Variants in CHMP3 observed in about 807,000 individuals in gnomAD.
CHMP3 encodes the protein 25.1 protein.
In CHMP3, 8 loss-of-function variants were observed where a neutral mutation model predicts 27.4. That is an observed-to-expected ratio of 0.29 (90% CI 0.17 to 0.53). The LOEUF is 0.53. Among genes scored for constraint, CHMP3 ranks in the 20% least tolerant of loss-of-function variants. The pLI is 0.96. For synonymous variants in CHMP3, 86 were observed against 85.5 expected (o/e 1.01, Z -0.03); for missense variants, 208 against 271.5 (o/e 0.77, Z 1.64).
At chr2:86,538,417 G>T (rs1452193746) in intron 2 of CHMP3, among the ~76,000 whole-genome samples, 1 of 152,110 alleles carries the variant, frequency 6.6e-6, no homozygotes, top group Non-Finnish European at 1.5e-5. Context: ...GGTTAAGATG[G>T]TCAGCTTTAT....
intron 2 of CHMP3, among the ~76,000 whole-genome samples, chr2:86,540,384 G>A (rs973210793): frequency 6.6e-6 from 1 of 151,934 alleles, no homozygotes; most frequent in African/African-American, 2.4e-5. Flanking sequence ...CTACAGTTTG[G>A]ATAATTTGTA....
intron 3 of CHMP3, among the ~76,000 whole-genome samples, chr2:86,525,315 C>G (rs918179514): frequency 6.6e-6 from 1 of 152,038 alleles, no homozygotes; most frequent in Non-Finnish European, 1.5e-5. Flanking sequence ...ACATTAACAA[C>G]GTAAATTTCA....
chr2:86,539,393 C>T (rs1386061994), intron 2 of CHMP3, among the ~76,000 whole-genome samples: 1 of 152,084 alleles, frequency 6.6e-6, no homozygotes, highest in East Asian at 1.9e-4. Context: ...CAGGTGATAT[C>T]AGAGTTTAAA....
intron 3 of CHMP3, among the ~76,000 whole-genome samples, chr2:86,517,755 A>C (rs1333530512): frequency 6.6e-6 from 1 of 151,164 alleles, no homozygotes; most frequent in Non-Finnish European, 1.5e-5. Context: ...AGGGCCAGGC[A>C]TAGTGGCTCA....
intron 4 of CHMP3, 98 bp from the exon 5 acceptor site, chr2:86,507,691 C>A (rs935193238): frequency 4.0e-6 from 4 of 996,718 alleles, no homozygotes; most frequent in Admixed American, 3.7e-5. Context: ...TAAGTCCAGT[C>A]TATCCTTTCA....
intron 3 of CHMP3, chr2:86,510,795 A>C: frequency 3.8e-6 from 1 of 264,746 alleles, no homozygotes; most frequent in Non-Finnish European, 7.3e-6. Flanking sequence ...GAAAATCACA[A>C]ATGGGAGAAA....
chr2:86,548,482 T>G (rs990565551), intron 1 of CHMP3, among the ~76,000 whole-genome samples: 3 of 152,192 alleles, frequency 2.0e-5, no homozygotes, highest in African/African-American at 7.2e-5. Context: ...ACAGCACATG[T>G]TTCAGAGAGC....
chr2:86,510,279 C>CAAA, intron 4 of CHMP3, 79 bp downstream of exon 4: 5 of 1,239,830 alleles, frequency 4.0e-6, no homozygotes, highest in Admixed American at 1.8e-5. Flanking sequence ...TCCCCACCCA[C>CAAA]CCTCATCCCT....
At chr2:86,526,078 T>C (rs1675698615) in intron 3 of CHMP3, among the ~76,000 whole-genome samples, 1 of 152,216 alleles carries the variant, frequency 6.6e-6, no homozygotes. Context: ...CTGGTAAAGC[T>C]ACAGTATATA....
At chr2:86,551,676 AT>A (rs778223659) in intron 1 of CHMP3, among the ~76,000 whole-genome samples, 4 of 152,192 alleles carry the variant, frequency 2.6e-5, no homozygotes, top group Non-Finnish European at 4.4e-5. Context: ...GTAGTCCCAA[AT>A]GATTGGGTTC....
At chr2:86,539,022 C>T (rs1004510535) in intron 2 of CHMP3, among the ~76,000 whole-genome samples, 1 of 152,172 alleles carries the variant, frequency 6.6e-6, no homozygotes, top group Non-Finnish European at 1.5e-5. Context: ...CCATTCCCCC[C>T]GAGTAAGTAT....
At chr2:86,562,470 G>A (rs1232546187) in intron 1 of CHMP3, among the ~76,000 whole-genome samples, 1 of 152,098 alleles carries the variant, frequency 6.6e-6, no homozygotes, top group Non-Finnish European at 1.5e-5. Context: ...GCAAAGCTGT[G>A]CCGTATTTAA....
At chr2:86,555,925 T>A (rs900473255) in intron 1 of CHMP3, among the ~76,000 whole-genome samples, 1 of 152,192 alleles carries the variant, frequency 6.6e-6, no homozygotes, top group Admixed American at 6.5e-5. Context: ...TAGGACCTGA[T>A]CTCTTTGGGG....
rs1341182764 is a variant in CHMP3, at chr2:86,503,665, T to C, written c.*2139A>G. On this transcript the variant is annotated 3_prime_UTR_variant, in exon 6 of 6. Coordinates refer to ENST00000263856, the MANE Select transcript of CHMP3 (RefSeq NM_016079.4). Reference sequence around the variant, plus strand: ...ATGAAATGACATGGAGGAACCTTAATTGCATATTATTAAGTGAAAGAAGCC... The same window carrying C: ...ATGAAATGACATGGAGGAACCTTAACTGCATATTATTAAGTGAAAGAAGCC... The C allele has an allele frequency of 1.3e-5, 2 of 152,190 alleles. No homozygotes were observed. Among genetic ancestry groups the C allele is most frequent in the Admixed American group, 6.5e-5 (1 of 15,278 alleles). 9.4% of individuals were successfully genotyped at this position (152,190 alleles called of 1,614,324 possible).
rs1303568536 is a variant in CHMP3 at position 86,503,973 on chromosome 2, A to G, written c.*1831T>C. ...AAGGGACAGGACCAGAAAAGTAACT[A>G]TTGGGTACTAGGCTTAGTACCTGGG... On this transcript the variant is annotated 3_prime_UTR_variant, in exon 6 of 6. Coordinates refer to ENST00000263856, the MANE Select transcript of CHMP3 (RefSeq NM_016079.4). 6.6e-6 allele frequency: 1 copy of G among 152,180 alleles called. No individual in the cohort carries two copies. The highest frequency in any genetic ancestry group is 1.5e-5 in the Non-Finnish European group (1 of 68,036). The allele number at this position is 152,180 out of a possible 1,614,324, so 9.4% of individuals were successfully genotyped here. A position where few individuals can be genotyped will look rare whatever the true frequency, so the allele number is the denominator to read the frequency against.
At chr2:86,549,694 C>T (rs191953547) in intron 1 of CHMP3, among the ~76,000 whole-genome samples, 7 of 140,854 alleles carry the variant, frequency 5.0e-5, no homozygotes, top group East Asian at 4.5e-4. Context: ...CGGGCAGAGA[C>T]GCCCCTCACC....
In CHMP3 at chr2:86,507,460, A is replaced by G; in HGVS notation, c.523+19T>C. On this transcript the variant is annotated intron_variant, in intron 5 of 5. Coordinates refer to ENST00000263856, the MANE Select transcript of CHMP3 (RefSeq NM_016079.4). ...TGGCCATAAAAAGAGAGGAGAAAGG[A>G]TGGATCTCACGGTCATACCTGCTGT... is the stretch of plus-strand genomic sequence containing the variant. The G allele has an allele frequency of 6.2e-7, 1 of 1,605,472 alleles. No individual in the cohort carries two copies. The highest frequency in any genetic ancestry group is 1.1e-5 in the South Asian group (1 of 90,868).
At chr2:86,562,431 T>C (rs1351646211) in intron 1 of CHMP3, among the ~76,000 whole-genome samples, 1 of 152,182 alleles carries the variant, frequency 6.6e-6, no homozygotes, top group Admixed American at 6.5e-5. Context: ...TCCCAGGTGA[T>C]GTTGATGCTG....
At chr2:86,549,514 T>C (rs1476636329) in intron 1 of CHMP3, among the ~76,000 whole-genome samples, 17 of 136,872 alleles carry the variant, frequency 1.2e-4, no homozygotes, top group Non-Finnish European at 2.0e-4. Flanking sequence ...GCTCCTCACT[T>C]CCCAGACAGG....
Sources: allele counts gnomAD v4.1 joint callset (sites outside exome capture counted in the v4.1 genomes callset), GRCh38; gene constraint gnomAD v4.1.1; transcripts MANE v1.5; gene names NCBI Gene and HGNC (gene_info 2026-07-23, HGNC 2026-07-21).